The following ARSB variants were observed in gnomAD, a reference collection of about 807,000 sequenced individuals.
The protein encoded by ARSB is arylsulfatase B.
Under a neutral mutation model 50.9 loss-of-function variants are expected in ARSB, and 41 were observed. The ratio of observed to expected loss-of-function variants is 0.81; its 90% CI spans 0.63 to 1.04. The LOEUF (loss-of-function observed/expected upper bound fraction) is 1.04, where lower values mean the gene tolerates loss of function less well. Ranked by LOEUF, ARSB falls within the 50% of genes least tolerant of loss-of-function variation. The probability of loss-of-function intolerance (pLI) is 0.00; values close to 1 mark genes in which losing one functional copy is unlikely to be tolerated. For synonymous variants in ARSB, 269 were observed against 284.8 expected (o/e 0.94, Z 0.56); for missense variants, 672 against 693.3 (o/e 0.97, Z 0.35).
At chr5:78,851,656 G>T (rs1199516901) in intron 5 of ARSB, among the ~76,000 whole-genome samples, 1 of 152,134 alleles carries the variant, frequency 6.6e-6, no homozygotes, top group African/African-American at 2.4e-5. Flanking sequence ...TGTTGATAGT[G>T]GGGTGTTAAA....
intron 5 of ARSB, among the ~76,000 whole-genome samples, chr5:78,850,596 C>T (rs979698365): frequency 2.0e-5 from 3 of 152,176 alleles, no homozygotes; most frequent in African/African-American, 7.2e-5. Context: ...GGAGGATTCT[C>T]TCTTTTTCTA....
intron 1 of ARSB, among the ~76,000 whole-genome samples, chr5:78,977,294 C>A (rs1752710609): frequency 6.6e-6 from 1 of 152,102 alleles, no homozygotes; most frequent in South Asian, 2.1e-4. Context: ...GCTGGGATTA[C>A]AGGTGCGCAC....
intron 5 of ARSB, among the ~76,000 whole-genome samples, chr5:78,873,575 A>T (rs904631040): frequency 7.8e-6 from 1 of 128,826 alleles, no homozygotes; most frequent in Non-Finnish European, 1.6e-5. Context: ...GGCTCACTGC[A>T]AGCTCCGCCT....
chr5:78,939,612 T>A (rs1750801687), intron 4 of ARSB, among the ~76,000 whole-genome samples: 1 of 152,224 alleles, frequency 6.6e-6, no homozygotes, highest in Admixed American at 6.5e-5. Context: ...GGACATGAAC[T>A]CATCATTTTT....
Position 78,905,910 on chromosome 5 carries a change from C to CAAAA in ARSB, c.899-20087_899-20084dup, listed in dbSNP as rs57651882. On this transcript the variant is annotated intron_variant, in intron 4 of 7. Transcript: ENST00000264914. ...GAGGTTGCCTTTGGGAGCAAAGTAG[C>CAAAA]AAAAAAAAAAAAAAAAAAAAAAAAA... Among the ~76,000 whole-genome samples the CAAAA allele has an allele frequency of 4.1e-4, 39 of 94,400 alleles. 2 individuals carry two copies. Among genetic ancestry groups the CAAAA allele is most frequent in the African/African-American group, 1.6e-3 (38 of 23,800 alleles). The allele number at this position is 94,400 out of a possible 152,430, so 61.9% of individuals were successfully genotyped here. A position where few individuals can be genotyped will look rare whatever the true frequency, so the allele number is the denominator to read the frequency against.
At position 78,780,763 on chromosome 5, in the gene ARSB, G is replaced by A. The variant is rs916106434; in HGVS notation, c.1337-101C>T. On this transcript the variant is annotated intron_variant, in intron 7 of 7. Transcript: ENST00000264914. ...GCCAAGGCTGCACTGGGTTGTGGGT[G>A]TGGAAACATAAAAAGATGCGGCCCT... 3 of 1,421,388 alleles carry A rather than the reference G, an allele frequency of 2.1e-6. No homozygotes were observed. The African/African-American group carries it at 4.2e-5, about 20-fold the overall frequency. The allele number at this position is 1,421,388 out of a possible 1,614,324, so 88.0% of individuals were successfully genotyped here. A position where few individuals can be genotyped will look rare whatever the true frequency, so the allele number is the denominator to read the frequency against.
intron 6 of ARSB, among the ~76,000 whole-genome samples, chr5:78,822,242 C>T (rs1037794502): frequency 5.3e-5 from 8 of 152,172 alleles, no homozygotes; most frequent in African/African-American, 1.7e-4. Flanking sequence ...TGAGGAATAA[C>T]ATTGACCTGG....
chr5:78,821,573 T>A (rs986494784), intron 6 of ARSB, among the ~76,000 whole-genome samples: 35 of 152,182 alleles, frequency 2.3e-4, no homozygotes, highest in African/African-American at 7.5e-4. Flanking sequence ...CAAGGTTTAG[T>A]GGTGAGAGTG....
chr5:78,896,539 T>C (rs1251471276), intron 4 of ARSB, among the ~76,000 whole-genome samples: 1 of 152,230 alleles, frequency 6.6e-6, no homozygotes, highest in Non-Finnish European at 1.5e-5. Context: ...GTGATTACTA[T>C]GCATATGTGT....
intron 6 of ARSB, among the ~76,000 whole-genome samples, chr5:78,787,901 G>A (rs934614180): frequency 6.6e-6 from 1 of 152,128 alleles, no homozygotes; most frequent in Non-Finnish European, 1.5e-5. Flanking sequence ...CCCTAGAAGT[G>A]GATTCGCTGC....
intron 4 of ARSB, among the ~76,000 whole-genome samples, chr5:78,932,696 T>C (rs544131092): frequency 3.0e-4 from 46 of 152,174 alleles, no homozygotes; most frequent in Admixed American, 6.5e-4. Flanking sequence ...CATCTAGAAA[T>C]TGGGGATAAT....
chr5:78,937,416 GAT>G (rs1232080882), intron 4 of ARSB, among the ~76,000 whole-genome samples: 3 of 132,646 alleles, frequency 2.3e-5, no homozygotes, highest in African/African-American at 3.1e-5. Flanking sequence ...ATATATGTAA[GAT>G]ATATATATCA....
intron 5 of ARSB, among the ~76,000 whole-genome samples, chr5:78,858,665 T>C (rs1746273886): frequency 6.6e-6 from 1 of 152,138 alleles, no homozygotes; most frequent in South Asian, 2.1e-4. Context: ...TTTTTAGAAA[T>C]AGCAATGACA....
At chr5:78,864,399 G>T (rs950527695) in intron 5 of ARSB, among the ~76,000 whole-genome samples, 1 of 152,166 alleles carries the variant, frequency 6.6e-6, no homozygotes, top group Non-Finnish European at 1.5e-5. Flanking sequence ...AAAACCATCA[G>T]ATCTCATGAG....
chr5:78,822,321 A>AGT (rs1478576628), intron 6 of ARSB, among the ~76,000 whole-genome samples: 1 of 152,160 alleles, frequency 6.6e-6, no homozygotes, highest in Non-Finnish European at 1.5e-5. Context: ...AAGACACTCT[A>AGT]GTTTATTACT....
chr5:78,825,301 T>C (rs1263438419), intron 6 of ARSB, among the ~76,000 whole-genome samples: 2 of 152,248 alleles, frequency 1.3e-5, no homozygotes. Context: ...CTGTGATTTA[T>C]GGGCATCTTT....
At chr5:78,820,173 G>C (rs571095741) in intron 6 of ARSB, among the ~76,000 whole-genome samples, 1 of 152,272 alleles carries the variant, frequency 6.6e-6, no homozygotes, top group East Asian at 1.9e-4. Context: ...GCCCTCACCA[G>C]ACACCAAATC....
At chr5:78,945,982 A>C (rs1751211201) in intron 4 of ARSB, among the ~76,000 whole-genome samples, 1 of 152,204 alleles carries the variant, frequency 6.6e-6, no homozygotes, top group Admixed American at 6.5e-5. Context: ...ATAATAATAC[A>C]TGTACCTGTC....
At position 78,918,339 on chromosome 5, in the gene ARSB, T is replaced by C. The variant is rs566406095; in HGVS notation, c.899-32512A>G. On this transcript the variant is annotated intron_variant, in intron 4 of 7. Coordinates refer to ENST00000264914, the MANE Select transcript of ARSB (RefSeq NM_000046.5). ...AAACTTTATAGAAACTTTTCAGGGA[T>C]GTTTTAATTCAGTTCATTGCAGACT... 1.1e-4 allele frequency among the ~76,000 whole-genome samples: 16 copies of C among 152,322 alleles called. 1 individual carries two copies. The East Asian group carries it at 1.3e-3, about 13-fold the overall frequency.
Sources: allele counts gnomAD v4.1 joint callset (sites outside exome capture counted in the v4.1 genomes callset), GRCh38; gene constraint gnomAD v4.1.1; transcripts MANE v1.5; gene names NCBI Gene and HGNC (gene_info 2026-07-23, HGNC 2026-07-21).